Variants in DDHD2 observed in about 807,000 individuals in gnomAD.
The protein encoded by DDHD2 is DDHD domain containing 2.
A neutral mutation model predicts 91.2 loss-of-function variants in DDHD2; 62 were observed. That is an observed-to-expected ratio of 0.68 (90% CI 0.55 to 0.84). DDHD2 has a LOEUF of 0.84. Among genes scored for constraint, DDHD2 ranks in the 40% least tolerant of loss-of-function variants. The pLI, the probability that DDHD2 is intolerant of heterozygous loss-of-function variation, is 0.00. For missense variants in DDHD2, 740 were observed against 846.9 expected, an observed-to-expected ratio of 0.87 and a Z score of 1.57; for synonymous variants, 271 against 293.9, an observed-to-expected ratio of 0.92 and a Z score of 0.80.
chr8:38,249,588 A>G (rs1156741645), intron 10 of DDHD2, 120 bp from the exon 11 acceptor site: 6 of 484,904 alleles, frequency 1.2e-5, no homozygotes, highest in South Asian at 4.6e-5. Context: ...AAGTTATTCT[A>G]TGATGTTTTA....
intron 7 of DDHD2, among the ~76,000 whole-genome samples, chr8:38,245,415 G>A (rs141920348): frequency 2.5e-4 from 38 of 150,348 alleles, no homozygotes; most frequent in African/African-American, 8.8e-4. Context: ...CTGGGCAATA[G>A]AGCGAGAGTC....
intron 15 of DDHD2, 165 bp from the exon 16 acceptor site, chr8:38,253,391 C>A: frequency 1.3e-6 from 1 of 754,068 alleles, no homozygotes; most frequent in Non-Finnish European, 2.1e-6. Context: ...ATTACTGTGA[C>A]CTGAGAAGGA....
At chr8:38,270,424 T>C (rs1247438889) in intron 1 of DDHD2, 3 of 152,214 alleles carry the variant, frequency 2.0e-5, no homozygotes, top group Non-Finnish European at 4.4e-5. Context: ...ATTCCAAATA[T>C]ACACATACCC....
intron 7 of DDHD2, among the ~76,000 whole-genome samples, chr8:38,243,945 A>C (rs973491051): frequency 6.6e-6 from 1 of 151,820 alleles, no homozygotes; most frequent in Admixed American, 6.6e-5. Flanking sequence ...CTGGGATTAC[A>C]GGCATGCGCC....
intron 16 of DDHD2, among the ~76,000 whole-genome samples, chr8:38,254,744 C>T (rs766687523): frequency 2.0e-5 from 3 of 151,568 alleles, no homozygotes; most frequent in South Asian, 2.1e-4. Context: ...AAATTCAGGC[C>T]GGGTATGGTG....
At chr8:38,263,991 T>C, downstream of DDHD2, 1 of 985,942 alleles carries the variant, frequency 1.0e-6, no homozygotes, top group Non-Finnish European at 1.2e-6. Context: ...TCAAGATAGA[T>C]GAGCAGGGGC....
intron 1 of DDHD2, chr8:38,269,295 C>T (rs1268811689): frequency 8.1e-7 from 1 of 1,234,968 alleles, no homozygotes; most frequent in East Asian, 3.2e-5. Context: ...CCCAGTTGCC[C>T]GCGCTCCGGC....
intron 16 of DDHD2, among the ~76,000 whole-genome samples, chr8:38,258,393 T>A (rs954271130): frequency 3.9e-5 from 6 of 151,906 alleles, no homozygotes; most frequent in Admixed American, 6.6e-5. Flanking sequence ...GCCGGGACTA[T>A]AGGCATGTGC....
downstream of DDHD2, chr8:38,266,909 C>T (rs116854796): frequency 6.7e-4 from 317 of 473,536 alleles, 2 homozygotes; most frequent in East Asian, 0.018. Flanking sequence ...TAGTCCCCAC[C>T]TCATTGGATT....
Position 38,258,338 on chromosome 8 carries a change from C to T in DDHD2, c.2055-1702C>T, listed in dbSNP as rs543414072. 1.3e-4 allele frequency among the ~76,000 whole-genome samples: 19 copies of T among 151,644 alleles called. No individual in the cohort carries two copies. The East Asian group carries it at 3.3e-3, about 26-fold the overall frequency. ...GCAGTAGTTGGCTCACTGCAACCTA[C>T]GCCATCTGGGTTCAAATGATTTTCC... On this transcript the variant is annotated intron_variant, in intron 16 of 17. Coordinates refer to ENST00000397166, the MANE Select transcript of DDHD2 (RefSeq NM_015214.3).
chr8:38,263,345 G>A, downstream of DDHD2: 4 of 977,444 alleles, frequency 4.1e-6, no homozygotes, highest in Non-Finnish European at 2.4e-6. Flanking sequence ...TTCAGATGAC[G>A]ATACCTGTCA....
At chr8:38,242,083 T>C in intron 6 of DDHD2, 167 bp from the exon 7 acceptor site, 2 of 576,474 alleles carry the variant, frequency 3.5e-6, no homozygotes, top group Non-Finnish European at 5.9e-6. Context: ...AGAAACATCT[T>C]TTCCTATATG....
intron 5 of DDHD2, 138 bp from the exon 6 acceptor site, chr8:38,240,137 C>CT: frequency 2.4e-6 from 1 of 424,084 alleles, no homozygotes; most frequent in Non-Finnish European, 4.2e-6. Flanking sequence ...TTGCTAGGTA[C>CT]TTAAAGGACT....
downstream of DDHD2, chr8:38,264,983 T>C (rs1430989051): frequency 1.3e-6 from 2 of 1,486,306 alleles, no homozygotes; most frequent in African/African-American, 1.4e-5. Context: ...TAAGAGTTGC[T>C]TCTCGCCGGG....
intron 2 of DDHD2, 25 bp from the exon 3 acceptor site, chr8:38,234,368 CT>C: frequency 6.6e-7 from 1 of 1,515,048 alleles, no homozygotes; most frequent in Non-Finnish European, 8.9e-7. Flanking sequence ...ATATGTACTT[CT>C]TTTCCCCTTT....
intron 1 of DDHD2, chr8:38,268,283 C>T (rs1808025093): frequency 7.9e-7 from 1 of 1,259,790 alleles, no homozygotes; most frequent in South Asian, 1.3e-5. Flanking sequence ...ACTCAGTGGC[C>T]TCCACACAGG....
At chr8:38,263,319 A>G (rs866912655), downstream of DDHD2, 23 of 922,630 alleles carry the variant, frequency 2.5e-5, no homozygotes, top group Middle Eastern at 2.2e-3. Context: ...AGGGGCAGAA[A>G]AAGATTCATC....
intron 16 of DDHD2, chr8:38,255,177 A>G (rs1806412873): frequency 8.0e-6 from 2 of 250,084 alleles, no homozygotes; most frequent in South Asian, 7.5e-5. Flanking sequence ...CCTGGGTGAC[A>G]GAGCGAGACT....
intron 1 of DDHD2, chr8:38,268,883 A>G: frequency 2.6e-6 from 4 of 1,552,814 alleles, no homozygotes; most frequent in Middle Eastern, 1.7e-4. Flanking sequence ...TCCACGCACA[A>G]ACATCGGCTT....
Sources: allele counts gnomAD v4.1 joint callset (sites outside exome capture counted in the v4.1 genomes callset), GRCh38; gene constraint gnomAD v4.1.1; transcripts MANE v1.5; gene names NCBI Gene and HGNC (gene_info 2026-07-23, HGNC 2026-07-21).